Variants in CELSR1 observed in about 807,000 individuals in gnomAD.
CELSR1 encodes adhesion G protein-coupled receptor C1.
A neutral mutation model predicts 249.1 loss-of-function variants in CELSR1; 110 were observed. The observed-to-expected ratio is 0.44, with a 90% confidence interval of 0.38 to 0.52. The LOEUF (loss-of-function observed/expected upper bound fraction) is 0.52. Among genes scored for constraint, CELSR1 ranks in the 20% least tolerant of loss-of-function variants. CELSR1 has a pLI of 0.00. For missense variants in CELSR1, 4,109 were observed against 4,296.4 expected, an observed-to-expected ratio of 0.96 and a Z score of 1.22; for synonymous variants, 2,113 against 1,900.0, an observed-to-expected ratio of 1.11 and a Z score of -2.92.
chr22:46,449,217 C>A (rs1156577360), intron 2 of CELSR1, among the ~76,000 whole-genome samples: 2 of 151,672 alleles, frequency 1.3e-5, no homozygotes, highest in African/African-American at 4.8e-5. Context: ...ATCCGACCAC[C>A]CATCACACAT....
In CELSR1 at chr22:46,391,831, G is replaced by A. The variant is rs1267972488; in HGVS notation, c.5965-15C>T. ...TAGTAATTCTCCTGCAAAAGCCAGA[G>A]GCAGGGCCTGTGACTTCAGATGCCC... On this transcript the variant is annotated splice_polypyrimidine_tract_variant and intron_variant, in intron 14 of 34. Transcript: ENST00000674500. This position sits in a 1 kb window ranked among gnomAD's most constrained non-coding sequence, Gnocchi z 4.3. 1.2e-6 allele frequency: 2 copies of A among 1,604,430 alleles called. No individual in the cohort carries two copies. The highest frequency in any genetic ancestry group is 2.7e-5 in the African/African-American group (2 of 74,426).
Position 46,429,634 on chromosome 22 carries a change from C to T in CELSR1, c.4611+3759G>A, listed in dbSNP as rs908865372. Among the ~76,000 whole-genome samples the T allele has an allele frequency of 6.6e-6, 1 of 152,226 alleles. No homozygotes were observed. Among genetic ancestry groups the T allele is most frequent in the African/African-American group, 2.4e-5 (1 of 41,468 alleles). ...AAAAATAAACAGACTCTGCCTGCTC[C>T]CTGCCTGGGAGGGTTCCCTACCCCA... is the stretch of plus-strand genomic sequence containing the variant. On this transcript the variant is annotated intron_variant, in intron 5 of 34. Transcript: ENST00000674500. This position sits in a 1 kb window ranked among gnomAD's most constrained non-coding sequence, Gnocchi z 4.1.
intron 9 of CELSR1, among the ~76,000 whole-genome samples, chr22:46,400,128 G>T (rs1021896245): frequency 6.6e-6 from 1 of 151,888 alleles, no homozygotes; most frequent in South Asian, 2.1e-4. Flanking sequence ...TCAAAAGTTC[G>T]TGACCAGCCT....
At position 46,406,771 on chromosome 22, in the gene CELSR1, G is replaced by C. The variant is rs1020113063; in HGVS notation, c.5226+2225C>G. On this transcript the variant is annotated intron_variant, in intron 9 of 34. Transcript: ENST00000674500. This position sits in a 1 kb window ranked among gnomAD's most constrained non-coding sequence, Gnocchi z 5.4. ...TCTACGCCTCAGTTTCCCGTGTGTG[G>C]AACGAGAGCTTGGAGCAGGCACTCC... 1.3e-5 allele frequency among the ~76,000 whole-genome samples: 2 copies of C among 152,212 alleles called. No individual in the cohort carries two copies. The highest frequency in any genetic ancestry group is 2.9e-5 in the Non-Finnish European group (2 of 68,046).
At chr22:46,449,309 ACATCCATC>A (rs372005603) in intron 2 of CELSR1, among the ~76,000 whole-genome samples, 2 of 134,306 alleles carry the variant, frequency 1.5e-5, no homozygotes. Flanking sequence ...CACCCATCAC[ACATCCATC>A]CATCCATCCA....
intron 1 of CELSR1, among the ~76,000 whole-genome samples, chr22:46,521,870 C>T (rs114145034): frequency 0.018 from 2,784 of 152,262 alleles, 101 homozygotes; most frequent in African/African-American, 0.065. Flanking sequence ...TACCCAGAAG[C>T]GGGATTGCTG....
intron 2 of CELSR1, 81 bp downstream of exon 2, chr22:46,463,625 TA>T: frequency 1.4e-6 from 2 of 1,383,826 alleles, no homozygotes; most frequent in South Asian, 1.8e-5. Context: ...CGGAGGGAAG[TA>T]AACAGAGGAA....
rs1437223134 is a variant in CELSR1 at position 46,448,606 on chromosome 22, G to A, written c.4184-9195C>T. 4.7e-6 allele frequency: 2 copies of A among 426,142 alleles called. No homozygotes were observed. The highest frequency in any genetic ancestry group is 2.1e-5 in the African/African-American group (1 of 48,638). The allele number at this position is 426,142 out of a possible 1,614,324, so 26.4% of individuals were successfully genotyped here. ...AACTAGAAAAACTAGAATTTCCAAAGGCCACAATGGTAAAACTCAAGCACT... is the reference window on the plus strand; with the variant it reads ...AACTAGAAAAACTAGAATTTCCAAAAGCCACAATGGTAAAACTCAAGCACT... On this transcript the variant is annotated intron_variant, in intron 2 of 34. Transcript: ENST00000674500. This position sits in a 1 kb window ranked among gnomAD's most constrained non-coding sequence, Gnocchi z 5.7.
chr22:46,369,555 GCTGA>G (rs2078827490), intron 26 of CELSR1, 133 bp downstream of exon 26: 2 of 736,974 alleles, frequency 2.7e-6, no homozygotes, highest in South Asian at 1.8e-5. Flanking sequence ...TGGCGGCTTT[GCTGA>G]CTGTTACAAG....
rs143771411 is a variant in CELSR1, at chr22:46,534,850, T to C, written c.2321A>G (p.His774Arg). The change falls in exon 1 of 35, where the codon CAT (histidine) becomes CGT (arginine). Residue 774 changes from histidine (H) to arginine (R), a missense_variant. Physicochemically the swap from His to Arg is conservative, Grantham distance 29. Transcript: ENST00000674500. The surrounding 1 kb of genome is among the most constrained non-coding windows in gnomAD (Gnocchi z 9.7). ...GGCATCAGTGACGTTGATTAGGACA[T>C]GCGCAGTGTGCGACCGTGTGCCGTC... ...ASDGTRSHTA[H>R]VLINVTDANT... is the part of the protein sequence containing the mutation. 217 of 1,612,846 alleles carry C rather than the reference T, an allele frequency of 1.3e-4. 1 individual carries two copies. The highest frequency in any genetic ancestry group is 1.7e-4 in the Non-Finnish European group (195 of 1,180,010).
intron 2 of CELSR1, among the ~76,000 whole-genome samples, chr22:46,451,013 C>T (rs1261164401): frequency 1.3e-5 from 2 of 152,172 alleles, no homozygotes; most frequent in East Asian, 3.8e-4. Context: ...CTTCCTGAGA[C>T]AGGAGGCACC....
rs2079925840 is a variant in CELSR1 at position 46,454,661 on chromosome 22, A to C, written c.4183+9046T>G. Among the ~76,000 whole-genome samples, 1 of 152,190 alleles carries C rather than the reference A, an allele frequency of 6.6e-6. No homozygotes were observed. The highest frequency in any genetic ancestry group is 2.1e-4 in the South Asian group (1 of 4,828). ...ACCTAGTTCAGCTCGCCCACCTCCA[A>C]GCTGTCCGGGTGGGACGCGGGAAAC... On this transcript the variant is annotated intron_variant, in intron 2 of 34. Coordinates refer to ENST00000674500, the MANE Select transcript of CELSR1 (RefSeq NM_001378328.1). The surrounding 1 kb of genome is among the most constrained non-coding windows in gnomAD (Gnocchi z 5.1).
rs559188812 is a variant in CELSR1, at chr22:46,473,984, G to A, written c.3545-9639C>T. Among the ~76,000 whole-genome samples the A allele has an allele frequency of 6.6e-6, 1 of 152,278 alleles. No homozygotes were observed. Among genetic ancestry groups the A allele is most frequent in the East Asian group, 1.9e-4 (1 of 5,182 alleles). On this transcript the variant is annotated intron_variant, in intron 1 of 34. Coordinates refer to ENST00000674500, the MANE Select transcript of CELSR1 (RefSeq NM_001378328.1). This position sits in a 1 kb window ranked among gnomAD's most constrained non-coding sequence, Gnocchi z 6.6. ...AGGAACAAGGGGACAAGCACTTTCAGGGTTGGGTGTGCGGCGCATGTCAGG... is the reference window on the plus strand; with the variant it reads ...AGGAACAAGGGGACAAGCACTTTCAAGGTTGGGTGTGCGGCGCATGTCAGG...
chr22:46,379,145 T>C (rs1213355993), intron 22 of CELSR1, among the ~76,000 whole-genome samples: 2 of 152,200 alleles, frequency 1.3e-5, no homozygotes, highest in Admixed American at 1.3e-4. Flanking sequence ...TCCCGTCTCC[T>C]TCTGAGGGCA....
intron 29 of CELSR1, among the ~76,000 whole-genome samples, chr22:46,366,774 G>A (rs1200912274): frequency 6.6e-6 from 1 of 152,200 alleles, no homozygotes; most frequent in Non-Finnish European, 1.5e-5. Context: ...TCTAAGGCCT[G>A]GAAGAGCAGG....
intron 1 of CELSR1, among the ~76,000 whole-genome samples, chr22:46,487,121 T>C (rs2080320658): frequency 6.6e-6 from 1 of 151,858 alleles, no homozygotes; most frequent in Non-Finnish European, 1.5e-5. Context: ...CATGGCACCT[T>C]TGGCTCAGAT....
At chr22:46,456,215 A>G (rs1233051685) in intron 2 of CELSR1, among the ~76,000 whole-genome samples, 1 of 152,272 alleles carries the variant, frequency 6.6e-6, no homozygotes, top group Non-Finnish European at 1.5e-5. Flanking sequence ...GCCCACGTGC[A>G]ACCCTGCGCT....
chr22:46,515,041 C>T lies in CELSR1; in HGVS notation c.3544+18586G>A, dbSNP rs574564252. On this transcript the variant is annotated intron_variant, in intron 1 of 34. Coordinates refer to ENST00000674500, the MANE Select transcript of CELSR1 (RefSeq NM_001378328.1). ...CCTCGCCAGCCCCTTCTAGAAAGCA[C>T]CCCCAGCACCCCCTCAGCTTCAGCC... Among the ~76,000 whole-genome samples the T allele has an allele frequency of 1.9e-3, 294 of 152,306 alleles. 2 individuals are homozygous for T. The highest frequency in any genetic ancestry group is 6.8e-3 in the African/African-American group (284 of 41,564).
Position 46,438,430 on chromosome 22 carries a change from A to G in CELSR1, c.4406+759T>C, listed in dbSNP as rs1216752026. 3.3e-5 allele frequency among the ~76,000 whole-genome samples: 5 copies of G among 152,160 alleles called. No homozygotes were observed. The East Asian group carries it at 9.6e-4, about 29-fold the overall frequency. ...CCTGCCCACAGCCCCCACTGCTCCC[A>G]AAGTGTCACTGCCCTGGAAGCTTGG... On this transcript the variant is annotated intron_variant, in intron 3 of 34. Coordinates refer to ENST00000674500, the MANE Select transcript of CELSR1 (RefSeq NM_001378328.1).
Sources: allele counts gnomAD v4.1 joint callset (sites outside exome capture counted in the v4.1 genomes callset), GRCh38; gene constraint gnomAD v4.1.1; non-coding constraint Gnocchi (gnomAD v3.1); transcripts MANE v1.5; gene names NCBI Gene and HGNC (gene_info 2026-07-23, HGNC 2026-07-21).